The following STK33 variants were observed in gnomAD, a reference collection of about 807,000 sequenced individuals.
STK33 encodes serine/threonine-protein kinase 33.
STK33 carries 52 observed loss-of-function variants against 58.0 expected under a neutral mutation model. The ratio of observed to expected loss-of-function variants is 0.90; its 90% CI spans 0.72 to 1.13. The LOEUF (loss-of-function observed/expected upper bound fraction) is 1.13, where lower values mean the gene tolerates loss of function less well. STK33 is among the 50% of genes most tolerant of loss of function. The pLI is 0.00. For missense variants in STK33, 630 were observed against 604.2 expected, an observed-to-expected ratio of 1.04 and a Z score of -0.45; for synonymous variants, 215 against 200.1, an observed-to-expected ratio of 1.07 and a Z score of -0.63.
intron 7 of STK33, among the ~76,000 whole-genome samples, chr11:8,463,669 C>T (rs964463507): frequency 6.6e-6 from 1 of 152,176 alleles, no homozygotes; most frequent in Non-Finnish European, 1.5e-5. Context: ...GAATATAACA[C>T]AATATTACAC....
intron 1 of STK33, among the ~76,000 whole-genome samples, chr11:8,530,120 G>A (rs1227140375): frequency 6.6e-6 from 1 of 152,160 alleles, no homozygotes; most frequent in African/African-American, 2.4e-5. Context: ...AGAATGTGGA[G>A]AGCATCACAC....
intron 1 of STK33, among the ~76,000 whole-genome samples, chr11:8,533,021 T>C (rs758662326): frequency 6.6e-6 from 1 of 152,248 alleles, no homozygotes; most frequent in Non-Finnish European, 1.5e-5. Context: ...CTGTCATGTT[T>C]GTACACAAGA....
chr11:8,477,380 G>T (rs1420908454), intron 2 of STK33, 97 bp from the exon 3 acceptor site: 2 of 151,972 alleles, frequency 1.3e-5, no homozygotes, highest in Non-Finnish European at 2.9e-5. Flanking sequence ...TAGGCTTTCT[G>T]TTTGGGAAAA....
At chr11:8,562,841 G>T (rs903971454) in intron 1 of STK33, among the ~76,000 whole-genome samples, 3 of 152,184 alleles carry the variant, frequency 2.0e-5, no homozygotes, top group Non-Finnish European at 4.4e-5. Flanking sequence ...ATACAGCAAT[G>T]AAGAAGACAG....
At chr11:8,586,123 G>A (rs2031555937) in intron 1 of STK33, among the ~76,000 whole-genome samples, 1 of 151,506 alleles carries the variant, frequency 6.6e-6, no homozygotes, top group South Asian at 2.1e-4. Context: ...AGGCTGAGAT[G>A]GGAGGATGGC....
chr11:8,586,607 T>G (rs909552634), intron 1 of STK33, among the ~76,000 whole-genome samples: 1 of 152,088 alleles, frequency 6.6e-6, no homozygotes, highest in African/African-American at 2.4e-5. Context: ...GTGGATCACT[T>G]GAGGTCAGGA....
the STK33 span, among the ~76,000 whole-genome samples, chr11:8,346,851 G>C: frequency 6.6e-6 from 1 of 152,320 alleles, no homozygotes; most frequent in African/African-American, 2.4e-5. Flanking sequence ...GTACAGGAAG[G>C]CCCGAGCTCT....
intron 1 of STK33, among the ~76,000 whole-genome samples, chr11:8,542,984 T>C (rs1955640448): frequency 6.6e-6 from 1 of 152,206 alleles, no homozygotes; most frequent in Non-Finnish European, 1.5e-5. Flanking sequence ...GTGCTGGGAC[T>C]ACAGACATGA....
At chr11:8,375,661 G>A in the STK33 span, among the ~76,000 whole-genome samples, 1 of 152,038 alleles carries the variant, frequency 6.6e-6, no homozygotes, top group African/African-American at 2.4e-5. Context: ...GTGAGCCATG[G>A]GGGTGGTTTC....
In STK33 at chr11:8,436,041, G is replaced by A. The variant is rs779889141; in HGVS notation, c.1046C>T (p.Ser349Phe). The A allele has an allele frequency of 2.1e-5, 33 of 1,578,066 alleles. No individual in the cohort carries two copies. Among genetic ancestry groups the A allele is most frequent in the Non-Finnish European group, 2.8e-5 (32 of 1,162,272 alleles). The change falls in exon 13 of 16, where the codon TCC (serine) becomes TTC (phenylalanine). Residue 349 changes from serine (S) to phenylalanine (F), a missense_variant. Coordinates refer to ENST00000687296, the MANE Select transcript of STK33 (RefSeq NM_001352389.2). ...TCTATACTTACCACAGTCACTTATG[G>A]AATTCCAGACTGCATTTTCAAAATG... ...ELHFENAVWN[S>F]ISDCAKSVLK...
intron 1 of STK33, among the ~76,000 whole-genome samples, chr11:8,572,090 C>A (rs1957867512): frequency 6.7e-6 from 1 of 150,048 alleles, no homozygotes; most frequent in Non-Finnish European, 1.5e-5. Context: ...AAAAAACTAT[C>A]CAAGGCTCGT....
chr11:8,388,943 G>A (rs564525930), downstream of STK33, among the ~76,000 whole-genome samples: 2 of 152,220 alleles, frequency 1.3e-5, no homozygotes, highest in East Asian at 1.9e-4. Flanking sequence ...GGAAGAGCTC[G>A]TTTATCTTTT....
intron 1 of STK33, among the ~76,000 whole-genome samples, chr11:8,509,283 C>G (rs146995534): frequency 1.3e-5 from 2 of 152,166 alleles, no homozygotes; most frequent in African/African-American, 4.8e-5. Flanking sequence ...TAATGAAAAC[C>G]TTCCATGTGA....
rs116459139 is a variant in STK33 at position 8,538,584 on chromosome 11, G to A, written c.-466+55499C>T. 6.4e-3 allele frequency among the ~76,000 whole-genome samples: 975 copies of A among 152,248 alleles called. 11 individuals are homozygous for A. Among genetic ancestry groups the A allele is most frequent in the African/African-American group, 0.021 (885 of 41,532 alleles). On this transcript the variant is annotated intron_variant, in intron 1 of 15. Coordinates refer to ENST00000687296, the MANE Select transcript of STK33 (RefSeq NM_001352389.2). ...AGGTATTATAAAAGATTACTTTGTT[G>A]CCACTAACTAAAGAAAAAAGCCAGT... is the stretch of plus-strand genomic sequence containing the variant.
intron 1 of STK33, among the ~76,000 whole-genome samples, chr11:8,591,112 G>A (rs956859576): frequency 1.3e-5 from 2 of 152,304 alleles, no homozygotes; most frequent in South Asian, 2.1e-4. Flanking sequence ...TGACAGATAA[G>A]TCAATGGTTG....
chr11:8,482,320 G>A (rs548242034), intron 1 of STK33, among the ~76,000 whole-genome samples: 1 of 152,194 alleles, frequency 6.6e-6, no homozygotes, highest in Non-Finnish European at 1.5e-5. Flanking sequence ...CTATAAGTCT[G>A]ACCAGTAAGA....
intron 14 of STK33, among the ~76,000 whole-genome samples, chr11:8,418,464 C>T (rs1941446353): frequency 6.6e-6 from 1 of 152,082 alleles, no homozygotes; most frequent in Non-Finnish European, 1.5e-5. Context: ...TGTATATGTA[C>T]ATTTTCTTTA....
At chr11:8,381,954 G>A in the STK33 span, among the ~76,000 whole-genome samples, 6 of 152,038 alleles carry the variant, frequency 3.9e-5, no homozygotes. Flanking sequence ...AGAAGGGAAG[G>A]GCCAGAGCAA....
At position 8,544,452 on chromosome 11, in the gene STK33, G is replaced by T. The variant is rs138773375; in HGVS notation, c.-466+49631C>A. ...ACAAATACTTAGAAGAATAATGATT[G>T]TTTCTCTAAAGAAAATTATGAGTAA... On this transcript the variant is annotated intron_variant, in intron 1 of 15. Transcript: ENST00000687296. Among the ~76,000 whole-genome samples, 12 of 150,404 alleles carry T rather than the reference G, an allele frequency of 8.0e-5. No homozygotes were observed. The East Asian group carries it at 2.3e-3, about 29-fold the overall frequency.
Sources: gnomAD v4.1 joint callset for allele counts (sites outside exome capture counted in the v4.1 genomes callset) on GRCh38, gnomAD v4.1.1 for gene constraint, MANE v1.5 for transcripts, NCBI Gene and HGNC (gene_info 2026-07-23, HGNC 2026-07-21) for gene names.